SPECC1: variants seen among roughly 807,000 people sequenced by gnomAD.
SPECC1 encodes the protein cytospin-B.
SPECC1 carries 62 observed loss-of-function variants against 104.1 expected under a neutral mutation model. That is an observed-to-expected ratio of 0.60 (90% CI 0.49 to 0.74). The LOEUF is 0.74. Among genes scored for constraint, SPECC1 ranks in the 30% least tolerant of loss-of-function variants. SPECC1 has a pLI of 0.00. For synonymous variants in SPECC1, 513 were observed against 501.6 expected (o/e 1.02, Z -0.30); for missense variants, 1,306 against 1,310.5 (o/e 1.00, Z 0.05).
At chr17:20,312,465 A>T (rs2041958739) in intron 14 of SPECC1, among the ~76,000 whole-genome samples, 1 of 152,188 alleles carries the variant, frequency 6.6e-6, no homozygotes, top group African/African-American at 2.4e-5. Flanking sequence ...CCTCTCTGAG[A>T]TTAAAGACAC....
intron 1 of SPECC1, among the ~76,000 whole-genome samples, chr17:20,041,293 T>C (rs1206357443): frequency 6.6e-6 from 1 of 152,128 alleles, no homozygotes; most frequent in Non-Finnish European, 1.5e-5. Flanking sequence ...TGGAGTGCAA[T>C]GTGCAATGGC....
At chr17:20,145,602 C>T (rs919125426) in intron 3 of SPECC1, among the ~76,000 whole-genome samples, 1 of 152,200 alleles carries the variant, frequency 6.6e-6, no homozygotes, top group African/African-American at 2.4e-5. Flanking sequence ...CTTTCCCCAG[C>T]CTTCCTCCCA....
At chr17:20,229,994 G>A (rs1055407705) in intron 5 of SPECC1, among the ~76,000 whole-genome samples, 1 of 152,180 alleles carries the variant, frequency 6.6e-6, no homozygotes, top group Non-Finnish European at 1.5e-5. Context: ...TGCAGGCAGG[G>A]GAGGTTCTGC....
intron 1 of SPECC1, among the ~76,000 whole-genome samples, chr17:20,022,823 C>T (rs911942821): frequency 4.6e-5 from 7 of 152,190 alleles, no homozygotes; most frequent in African/African-American, 1.4e-4. Context: ...ATGATGTTCC[C>T]AAGATTGCTT....
intron 3 of SPECC1, among the ~76,000 whole-genome samples, chr17:20,176,701 A>C (rs962131326): frequency 1.3e-5 from 2 of 151,980 alleles, no homozygotes; most frequent in African/African-American, 4.8e-5. Context: ...CCCTCTTCAG[A>C]GTATATTGCT....
chr17:20,169,540 A>G (rs1008531914), intron 3 of SPECC1, among the ~76,000 whole-genome samples: 2 of 150,450 alleles, frequency 1.3e-5, no homozygotes, highest in East Asian at 3.9e-4. Flanking sequence ...TTTTTTTTTT[A>G]ACATGAAAGG....
chr17:20,182,253 A>G (rs1282506586), intron 3 of SPECC1, among the ~76,000 whole-genome samples: 1 of 151,608 alleles, frequency 6.6e-6, no homozygotes, highest in East Asian at 1.9e-4. Context: ...AGCTAGAACT[A>G]CAGTTGCACA....
chr17:20,301,562 G>A (rs2041584828), intron 13 of SPECC1, among the ~76,000 whole-genome samples: 1 of 152,144 alleles, frequency 6.6e-6, no homozygotes, highest in Admixed American at 6.5e-5. Context: ...TCCCCACCTG[G>A]ATGGAAGCAA....
At chr17:20,264,489 T>G (rs1231381733) in intron 12 of SPECC1, among the ~76,000 whole-genome samples, 1 of 81,962 alleles carries the variant, frequency 1.2e-5, no homozygotes, top group African/African-American at 5.9e-5. Flanking sequence ...TTTTTTTTTT[T>G]GAGACAGAGT....
intron 4 of SPECC1, among the ~76,000 whole-genome samples, chr17:20,213,016 A>G (rs1346421918): frequency 1.3e-5 from 2 of 152,166 alleles, no homozygotes; most frequent in East Asian, 1.9e-4. Flanking sequence ...AAACAGAATG[A>G]TTTAAGTTAT....
At chr17:20,181,449 A>G (rs777456517) in intron 3 of SPECC1, among the ~76,000 whole-genome samples, 1 of 152,156 alleles carries the variant, frequency 6.6e-6, no homozygotes. Flanking sequence ...TAGGTATGGA[A>G]TAAATGAAAA....
At chr17:20,177,899 G>A (rs1316555324) in intron 3 of SPECC1, among the ~76,000 whole-genome samples, 2 of 151,382 alleles carry the variant, frequency 1.3e-5, no homozygotes, top group Non-Finnish European at 2.9e-5. Flanking sequence ...TACTAGAGAC[G>A]GGGTTTCACC....
At chr17:20,050,664 C>G (rs528579215) in intron 1 of SPECC1, among the ~76,000 whole-genome samples, 1 of 152,262 alleles carries the variant, frequency 6.6e-6, no homozygotes, top group East Asian at 1.9e-4. Flanking sequence ...GGTGGTCTTT[C>G]TATATTCTCC....
At chr17:20,107,924 C>A (rs2048313339) in intron 2 of SPECC1, among the ~76,000 whole-genome samples, 1 of 152,128 alleles carries the variant, frequency 6.6e-6, no homozygotes, top group African/African-American at 2.4e-5. Flanking sequence ...GGCAGGAAAG[C>A]CCAGGAATTC....
chr17:20,026,577 C>T (rs983679886), intron 1 of SPECC1, among the ~76,000 whole-genome samples: 10 of 152,022 alleles, frequency 6.6e-5, no homozygotes, highest in Non-Finnish European at 1.3e-4. Flanking sequence ...AATATAATGT[C>T]CTCCAGGTTC....
At chr17:20,040,603 T>C (rs1176555535) in intron 1 of SPECC1, among the ~76,000 whole-genome samples, 1 of 152,218 alleles carries the variant, frequency 6.6e-6, no homozygotes, top group Non-Finnish European at 1.5e-5. Flanking sequence ...ATCTAGAATT[T>C]TGTGTTGACA....
intron 1 of SPECC1, among the ~76,000 whole-genome samples, chr17:20,079,042 T>G (rs569645321): frequency 1.3e-5 from 2 of 152,344 alleles, no homozygotes; most frequent in East Asian, 3.9e-4. Flanking sequence ...TGACAGATTT[T>G]GGGAAGAACA....
At chr17:20,161,831 G>A (rs2033183626) in intron 3 of SPECC1, among the ~76,000 whole-genome samples, 1 of 137,400 alleles carries the variant, frequency 7.3e-6, no homozygotes, top group African/African-American at 2.8e-5. Context: ...GTCTCATTCT[G>A]TTGCCTAGGC....
intron 3 of SPECC1, among the ~76,000 whole-genome samples, chr17:20,174,067 G>A (rs765562526): frequency 6.6e-6 from 1 of 151,956 alleles, no homozygotes; most frequent in African/African-American, 2.4e-5. Context: ...AAGTAGCTGG[G>A]ATTACAGGCA....
Sources: allele counts gnomAD v4.1 joint callset (sites outside exome capture counted in the v4.1 genomes callset), GRCh38; gene constraint gnomAD v4.1.1; transcripts MANE v1.5; gene names NCBI Gene and HGNC (gene_info 2026-07-23, HGNC 2026-07-21).